Variants in PTPN4 observed in about 807,000 individuals in gnomAD.
PTPN4 encodes the protein tyrosine-protein phosphatase non-receptor type 4.
PTPN4 carries 49 observed loss-of-function variants against 135.5 expected under a neutral mutation model. The ratio of observed to expected loss-of-function variants is 0.36; its 90% CI spans 0.29 to 0.46. The LOEUF is 0.46. Among genes scored for constraint, PTPN4 ranks in the 20% least tolerant of loss-of-function variants. PTPN4 has a pLI of 1.00. For synonymous variants in PTPN4, 333 were observed against 369.9 expected, an observed-to-expected ratio of 0.90 and a Z score of 1.14; for missense variants, 860 against 1,101.0, an observed-to-expected ratio of 0.78 and a Z score of 3.10.
intron 1 of PTPN4, among the ~76,000 whole-genome samples, chr2:119,768,010 C>T (rs934342364): frequency 2.6e-5 from 4 of 152,226 alleles, no homozygotes; most frequent in Non-Finnish European, 5.9e-5. Flanking sequence ...GAATCAGCCA[C>T]AACTGTGAAA....
At chr2:119,942,135 C>T (rs1034497101) in intron 15 of PTPN4, among the ~76,000 whole-genome samples, 1 of 152,226 alleles carries the variant, frequency 6.6e-6, no homozygotes, top group South Asian at 2.1e-4. Flanking sequence ...TATAACTGCT[C>T]TTTTAGGACA....
intron 18 of PTPN4, among the ~76,000 whole-genome samples, chr2:119,950,262 T>C (rs1400229927): frequency 6.6e-6 from 1 of 152,186 alleles, no homozygotes; most frequent in Non-Finnish European, 1.5e-5. Context: ...AACTTGGAAC[T>C]AATTGGTATA....
At chr2:119,970,119 G>A (rs1335367471) in intron 26 of PTPN4, among the ~76,000 whole-genome samples, 2 of 151,920 alleles carry the variant, frequency 1.3e-5, no homozygotes, top group Non-Finnish European at 2.9e-5. Flanking sequence ...GAGTGCAATG[G>A]CATGATCTCA....
intron 1 of PTPN4, among the ~76,000 whole-genome samples, chr2:119,763,419 G>A (rs1407365956): frequency 6.6e-6 from 1 of 152,090 alleles, no homozygotes; most frequent in East Asian, 1.9e-4. Flanking sequence ...TTTATTGTCT[G>A]TTAAGTGTCA....
At chr2:119,953,561 T>C (rs1679238395) in intron 19 of PTPN4, among the ~76,000 whole-genome samples, 1 of 152,206 alleles carries the variant, frequency 6.6e-6, no homozygotes, top group East Asian at 1.9e-4. Context: ...TTAGGTGTTT[T>C]CTGTCACATA....
intron 1 of PTPN4, among the ~76,000 whole-genome samples, chr2:119,773,520 G>A (rs893125891): frequency 1.1e-4 from 16 of 151,902 alleles, no homozygotes; most frequent in African/African-American, 3.6e-4. Context: ...GGTGGATCAC[G>A]AGGTCAGGAG....
chr2:119,782,824 G>A (rs1166579921), intron 1 of PTPN4, among the ~76,000 whole-genome samples: 1 of 145,210 alleles, frequency 6.9e-6, no homozygotes, highest in Non-Finnish European at 1.5e-5. Context: ...TCTCACCTCA[G>A]CCTACTGAGT....
intron 2 of PTPN4, among the ~76,000 whole-genome samples, chr2:119,812,070 G>A (rs556750039): frequency 1.3e-5 from 2 of 152,218 alleles, no homozygotes; most frequent in African/African-American, 4.8e-5. Flanking sequence ...TGCTGGTTAT[G>A]TGGTATATTT....
chr2:119,824,015 C>G (rs2104958151), intron 2 of PTPN4, among the ~76,000 whole-genome samples: 1 of 152,298 alleles, frequency 6.6e-6, no homozygotes. Flanking sequence ...TCATTTAGTT[C>G]AGAATATTTT....
rs1447532178 is a variant in PTPN4 at position 119,973,893 on chromosome 2, A to G, written c.2695-3091A>G. On this transcript the variant is annotated intron_variant, in intron 26 of 26. Transcript: ENST00000263708. The stretch of plus-strand genomic sequence containing the variant: ...TGAAGTTAGCACCCTTGAGTAATCA[A>G]TCCCTGCATTCATTAATTCATTGGA... Among the ~76,000 whole-genome samples the G allele has an allele frequency of 3.9e-5, 6 of 151,904 alleles. No individual in the cohort carries two copies. The East Asian group carries it at 1.2e-3, about 29-fold the overall frequency.
chr2:119,982,017 G>A lies in PTPN4; in HGVS notation c.*4947G>A, dbSNP rs1471125053. On this transcript the variant is annotated 3_prime_UTR_variant, in exon 27 of 27. Coordinates refer to ENST00000263708, the MANE Select transcript of PTPN4 (RefSeq NM_002830.4). ...GCATTGGTTCAGTGCATATACATAA[G>A]TAAACCAGTTTAAAAAAATTTTACT... The A allele has an allele frequency of 1.3e-5, 2 of 152,134 alleles. No homozygotes were observed. Among genetic ancestry groups the A allele is most frequent in the Non-Finnish European group, 2.9e-5 (2 of 67,998 alleles). The allele number at this position is 152,134 out of a possible 1,614,324, so 9.4% of individuals were successfully genotyped here.
chr2:119,792,225 A>G (rs1402730264), intron 1 of PTPN4, among the ~76,000 whole-genome samples: 1 of 152,258 alleles, frequency 6.6e-6, no homozygotes, highest in Non-Finnish European at 1.5e-5. Context: ...TATTTGAGCT[A>G]GAATGTATAG....
chr2:119,826,166 G>A (rs890059808), intron 2 of PTPN4, among the ~76,000 whole-genome samples: 3 of 152,060 alleles, frequency 2.0e-5, no homozygotes, highest in Non-Finnish European at 2.9e-5. Context: ...GATGGAGACT[G>A]CCTTGGCCTC....
intron 24 of PTPN4, among the ~76,000 whole-genome samples, chr2:119,965,142 C>T (rs1193633560): frequency 6.6e-6 from 1 of 152,078 alleles, no homozygotes; most frequent in East Asian, 1.9e-4. Flanking sequence ...GTTAGCTTAC[C>T]TCAGGGTCCT....
At chr2:119,836,666 C>G (rs1057292733) in intron 2 of PTPN4, among the ~76,000 whole-genome samples, 6 of 152,234 alleles carry the variant, frequency 3.9e-5, no homozygotes, top group Admixed American at 3.9e-4. Context: ...CCTGTGCTCT[C>G]GCGGGGTCCA....
intron 10 of PTPN4, among the ~76,000 whole-genome samples, chr2:119,912,915 C>T (rs1678594803): frequency 6.6e-6 from 1 of 152,152 alleles, no homozygotes; most frequent in Non-Finnish European, 1.5e-5. Context: ...TAGGCAATCA[C>T]TAATCACTAT....
intron 2 of PTPN4, among the ~76,000 whole-genome samples, chr2:119,813,270 G>C (rs868472420): frequency 6.7e-6 from 1 of 149,328 alleles, no homozygotes; most frequent in African/African-American, 2.5e-5. Context: ...TTTTTGAGAC[G>C]GAGTTTCGCT....
intron 12 of PTPN4, among the ~76,000 whole-genome samples, chr2:119,920,451 T>C (rs1678719754): frequency 6.6e-6 from 1 of 152,220 alleles, no homozygotes; most frequent in Non-Finnish European, 1.5e-5. Context: ...AGTTCTGTGT[T>C]CTGTATTTGC....
chr2:119,816,875 C>T (rs1356449511), intron 2 of PTPN4, among the ~76,000 whole-genome samples: 1 of 152,214 alleles, frequency 6.6e-6, no homozygotes, highest in African/African-American at 2.4e-5. Context: ...GAAGTTGTCT[C>T]AAACATACTT....
Sources: gnomAD v4.1 joint callset for allele counts (sites outside exome capture counted in the v4.1 genomes callset) on GRCh38, gnomAD v4.1.1 for gene constraint, MANE v1.5 for transcripts, NCBI Gene and HGNC (gene_info 2026-07-23, HGNC 2026-07-21) for gene names.